MPRIP: variants seen among roughly 807,000 people sequenced by gnomAD.
The protein encoded by MPRIP is myosin phosphatase Rho interacting protein, also known as myosin phosphatase Rho-interacting protein.
In MPRIP, 59 loss-of-function variants were observed where a neutral mutation model predicts 234.9. That is an observed-to-expected ratio of 0.25 (90% CI 0.20 to 0.31). MPRIP has a LOEUF of 0.31. MPRIP is among the 10% of genes least tolerant of loss of function. The probability of loss-of-function intolerance (pLI) is 1.00; values close to 1 mark genes in which losing one functional copy is unlikely to be tolerated. For synonymous variants in MPRIP, 1,144 were observed against 1,263.9 expected, an observed-to-expected ratio of 0.91 and a Z score of 2.01; for missense variants, 2,436 against 3,071.0, an observed-to-expected ratio of 0.79 and a Z score of 4.89.
intron 1 of MPRIP, among the ~76,000 whole-genome samples, chr17:17,058,401 C>A (rs557820786): frequency 6.9e-6 from 1 of 145,340 alleles, no homozygotes; most frequent in Non-Finnish European, 1.5e-5. Context: ...GCTCCAGGGC[C>A]GTGGGGAATG....
intron 3 of MPRIP, among the ~76,000 whole-genome samples, chr17:17,081,065 C>T (rs1162137287): frequency 2.0e-5 from 3 of 152,230 alleles, no homozygotes; most frequent in Non-Finnish European, 4.4e-5. Flanking sequence ...AGCAGCAGCT[C>T]TAAGCAGCCC....
intron 3 of MPRIP, among the ~76,000 whole-genome samples, chr17:17,097,967 T>C (rs868216633): frequency 6.6e-6 from 1 of 152,174 alleles, no homozygotes; most frequent in African/African-American, 2.4e-5. Flanking sequence ...AAAAATCTTA[T>C]TTTAGATCCT....
At chr17:17,046,888 T>C (rs1282739768) in intron 1 of MPRIP, among the ~76,000 whole-genome samples, 3 of 152,342 alleles carry the variant, frequency 2.0e-5, no homozygotes, top group South Asian at 2.1e-4. Context: ...AGTAAAACTT[T>C]ATTTACCGGC....
At position 17,165,872 on chromosome 17, in the gene MPRIP, C is replaced by T. The variant is rs775597260; in HGVS notation, c.4281C>T (p.Ala1427=). ...ALHHQWAGTE[A]QLREQLRASL... ...ACCACCAGTGGGCGGGCACCGAGGC[C>T]CAGCTGCGTGAGCAGCTCCGCGCCA... The change falls in exon 16 of 24, where the codon GCC becomes GCT. Residue 1427 remains alanine (A), a synonymous_variant. Transcript: ENST00000651222. 2.3e-6 allele frequency: 3 copies of T among 1,304,070 alleles called. No individual in the cohort carries two copies. Among genetic ancestry groups the T allele is most frequent in the South Asian group, 1.2e-5 (1 of 81,002 alleles). 80.8% of individuals were successfully genotyped at this position (1,304,070 alleles called of 1,614,324 possible).
At chr17:17,132,632 GC>G (rs1397437230) in intron 5 of MPRIP, among the ~76,000 whole-genome samples, 4 of 152,212 alleles carry the variant, frequency 2.6e-5, no homozygotes, top group African/African-American at 9.6e-5. Flanking sequence ...TCTCTCCTCA[GC>G]CCCTTGGGCT....
At chr17:17,128,766 G>T (rs886064682) in intron 4 of MPRIP, among the ~76,000 whole-genome samples, 16 of 152,162 alleles carry the variant, frequency 1.1e-4, no homozygotes, top group African/African-American at 2.2e-4. Flanking sequence ...CTGCGTGAGG[G>T]AGTCAGGTGT....
chr17:17,149,418 G>A (rs1401532092), intron 11 of MPRIP, among the ~76,000 whole-genome samples: 4 of 151,852 alleles, frequency 2.6e-5, no homozygotes, highest in Non-Finnish European at 5.9e-5. Flanking sequence ...ACTTGAACCC[G>A]GGAGGCAGAG....
rs138787270 is a variant in MPRIP at position 17,133,229 on chromosome 17, A to T, written c.504+1528A>T. On this transcript the variant is annotated intron_variant, in intron 5 of 23. Coordinates refer to ENST00000651222, the MANE Select transcript of MPRIP (RefSeq NM_001364716.4). ...GAGCACAGGGTTCCTAGCCTTCTGC[A>T]CTCAGGCCCCTCCTAAGACAACCTT... Among the ~76,000 whole-genome samples, 12 of 152,256 alleles carry T rather than the reference A, an allele frequency of 7.9e-5. No homozygotes were observed. The East Asian group carries it at 2.3e-3, about 29-fold the overall frequency.
chr17:17,122,101 GCTA>G lies in MPRIP; in HGVS notation c.268-4599_268-4597del, dbSNP rs780225728. On this transcript the variant is annotated intron_variant, in intron 3 of 23. Coordinates refer to ENST00000651222, the MANE Select transcript of MPRIP (RefSeq NM_001364716.4). Reference sequence around the variant, plus strand: ...CCGTGTCTTTGCTATTGTGAATAGTGCTACAGTGAACATACATATGCATGTGTC... The same window carrying G: ...CCGTGTCTTTGCTATTGTGAATAGTGCAGTGAACATACATATGCATGTGTC... Among the ~76,000 whole-genome samples, 15 of 152,274 alleles carry G rather than the reference GCTA, an allele frequency of 9.9e-5. No individual in the cohort carries two copies. The East Asian group carries it at 1.2e-3, about 12-fold the overall frequency.
rs566843943 is a variant in MPRIP, at chr17:17,051,942, T to C, written c.123+8971T>C. ...GGTGGCCCTGGTGTCAGAGCTGCTT[T>C]GCAGCGAGACTCTGAGTGGATGGGC... On this transcript the variant is annotated intron_variant, in intron 1 of 23. Transcript: ENST00000651222. Among the ~76,000 whole-genome samples the C allele has an allele frequency of 5.3e-5, 8 of 152,360 alleles. No homozygotes were observed. In the South Asian group the frequency reaches 1.7e-3, roughly 32 times the overall value.
At chr17:17,112,570 C>T (rs1218548378) in intron 3 of MPRIP, among the ~76,000 whole-genome samples, 3 of 152,124 alleles carry the variant, frequency 2.0e-5, no homozygotes, top group African/African-American at 7.2e-5. Context: ...TGGCTCCTGC[C>T]GTCTGCTCCT....
chr17:17,151,850 G>A (rs962470789), intron 12 of MPRIP, among the ~76,000 whole-genome samples: 2 of 152,230 alleles, frequency 1.3e-5, no homozygotes, highest in African/African-American at 4.8e-5. Context: ...GTAGAGAGCT[G>A]CCCCCATGGG....
In MPRIP at chr17:17,164,501, G is replaced by T. The variant is rs187035007; in HGVS notation, c.2910G>T (p.Thr970=). 2.5e-6 allele frequency: 3 copies of T among 1,212,050 alleles called. No individual in the cohort carries two copies. Among genetic ancestry groups the T allele is most frequent in the East Asian group, 5.8e-5 (1 of 17,390 alleles). The allele number at this position is 1,212,050 out of a possible 1,614,324, so 75.1% of individuals were successfully genotyped here. Reference sequence around the variant, plus strand: ...CTGAGGCCCTGCTGCTGGAGAAGACGCAGGAGCTACGGGGCCTGGAGACAC... The same window carrying T: ...CTGAGGCCCTGCTGCTGGAGAAGACTCAGGAGCTACGGGGCCTGGAGACAC... ...KSAEALLLEK[T]QELRGLETQQ... Residue 970 remains threonine, a synonymous_variant, in exon 16 of 24, where the codon ACG becomes ACT. Coordinates refer to ENST00000651222, the MANE Select transcript of MPRIP (RefSeq NM_001364716.4).
chr17:17,160,087 G>A (rs780449827), intron 14 of MPRIP, among the ~76,000 whole-genome samples: 18 of 151,954 alleles, frequency 1.2e-4, no homozygotes, highest in African/African-American at 4.1e-4. Context: ...GTCAGGGGTC[G>A]GCTGGGCATG....
At chr17:17,181,571 A>C (rs911069611) in intron 23 of MPRIP, 4 of 152,260 alleles carry the variant, frequency 2.6e-5, no homozygotes, top group Non-Finnish European at 4.4e-5. Context: ...TTCTTTAAAC[A>C]TAACGTTTTG....
In MPRIP at chr17:17,189,825, C is replaced by A. The variant is rs1342522677; in HGVS notation, c.*4931C>A. 1 of 152,258 alleles carries A rather than the reference C, an allele frequency of 6.6e-6. No homozygotes were observed. The highest frequency in any genetic ancestry group is 2.4e-5 in the African/African-American group (1 of 41,456). 9.4% of individuals were successfully genotyped at this position (152,258 alleles called of 1,614,324 possible). Reference sequence around the variant, plus strand: ...GGCCAGAGACAACGTTTCGTTTCCCCTTCCCTGCAAGCTGGGATCAGCCCT... The same window carrying A: ...GGCCAGAGACAACGTTTCGTTTCCCATTCCCTGCAAGCTGGGATCAGCCCT... On this transcript the variant is annotated 3_prime_UTR_variant, in exon 24 of 24. Transcript: ENST00000651222.
At chr17:17,084,846 A>G (rs895023045) in intron 3 of MPRIP, among the ~76,000 whole-genome samples, 2 of 152,300 alleles carry the variant, frequency 1.3e-5, no homozygotes, top group East Asian at 1.9e-4. Flanking sequence ...TCTTTGCTAC[A>G]TGGGCATATG....
At chr17:17,159,057 C>G in intron 14 of MPRIP, 55 bp downstream of exon 14, 4 of 1,514,582 alleles carry the variant, frequency 2.6e-6, no homozygotes, top group Non-Finnish European at 3.6e-6. Flanking sequence ...TCCAGAGCAT[C>G]AGCTGTGCCC....
chr17:17,083,563 G>A (rs143847753), intron 3 of MPRIP, among the ~76,000 whole-genome samples: 2 of 152,282 alleles, frequency 1.3e-5, no homozygotes, highest in African/African-American at 4.8e-5. Flanking sequence ...GCTGAGCCCT[G>A]CTGTCTTTAG....
Sources: allele counts gnomAD v4.1 joint callset (sites outside exome capture counted in the v4.1 genomes callset), GRCh38; gene constraint gnomAD v4.1.1; transcripts MANE v1.5; gene names NCBI Gene and HGNC (gene_info 2026-07-23, HGNC 2026-07-21).